The following DSCAM variants were observed in gnomAD, a reference collection of about 807,000 sequenced individuals.
DSCAM encodes the protein cell adhesion molecule DSCAM.
Under a neutral mutation model 217.7 loss-of-function variants are expected in DSCAM, and 47 were observed. That is an observed-to-expected ratio of 0.22 (90% CI 0.17 to 0.28). The LOEUF is 0.28. DSCAM is among the 10% of genes least tolerant of loss of function. The pLI, the probability that DSCAM is intolerant of heterozygous loss-of-function variation, is 1.00. For synonymous variants in DSCAM, 1,056 were observed against 1,015.3 expected, an observed-to-expected ratio of 1.04 and a Z score of -0.76; for missense variants, 2,080 against 2,618.3, an observed-to-expected ratio of 0.79 and a Z score of 4.49.
At chr21:40,334,292 C>G (rs1334167423) in intron 8 of DSCAM, among the ~76,000 whole-genome samples, 4 of 152,136 alleles carry the variant, frequency 2.6e-5, no homozygotes, top group African/African-American at 7.2e-5. Flanking sequence ...ATTTCAACCT[C>G]AACACATCGA....
intron 3 of DSCAM, among the ~76,000 whole-genome samples, chr21:40,657,315 A>G (rs1188516424): frequency 6.6e-6 from 1 of 152,210 alleles, no homozygotes; most frequent in East Asian, 1.9e-4. Flanking sequence ...TTGAGCTGAC[A>G]CAAGGAATAT....
chr21:40,088,237 A>G (rs115700558), intron 21 of DSCAM, among the ~76,000 whole-genome samples: 356 of 152,264 alleles, frequency 2.3e-3, no homozygotes, highest in African/African-American at 8.2e-3. Flanking sequence ...CAGACCGGAA[A>G]CCATAGGTGG....
At chr21:40,178,041 C>T (rs1404810864) in intron 15 of DSCAM, among the ~76,000 whole-genome samples, 2 of 151,948 alleles carry the variant, frequency 1.3e-5, no homozygotes, top group African/African-American at 4.8e-5. Context: ...AGCTGGACAC[C>T]CTTTCCCTAC....
chr21:40,591,778 G>C (rs556456901), intron 3 of DSCAM, among the ~76,000 whole-genome samples: 1 of 152,124 alleles, frequency 6.6e-6, no homozygotes, highest in African/African-American at 2.4e-5. Context: ...CCAAGTATAC[G>C]TTGGCAATAC....
chr21:40,272,421 T>A (rs889844220), intron 11 of DSCAM, among the ~76,000 whole-genome samples: 1 of 152,224 alleles, frequency 6.6e-6, no homozygotes, highest in African/African-American at 2.4e-5. Flanking sequence ...ATTCCATACA[T>A]GCTTGCTGGC....
At chr21:40,025,521 A>T (rs1389383740) in intron 32 of DSCAM, among the ~76,000 whole-genome samples, 3 of 149,820 alleles carry the variant, frequency 2.0e-5, no homozygotes, top group Non-Finnish European at 4.4e-5. Flanking sequence ...TTGGTTGGTA[A>T]GCTATTGATT....
At chr21:40,111,279 G>T (rs2089896059) in intron 20 of DSCAM, among the ~76,000 whole-genome samples, 2 of 152,152 alleles carry the variant, frequency 1.3e-5, no homozygotes, top group African/African-American at 2.4e-5. Flanking sequence ...TTAAAGAAAA[G>T]AATTTTCAAC....
chr21:40,309,928 G>C (rs2074119579), intron 9 of DSCAM, among the ~76,000 whole-genome samples: 2 of 152,130 alleles, frequency 1.3e-5, no homozygotes, highest in African/African-American at 4.8e-5. Flanking sequence ...ATAGTGCTGT[G>C]GTGGTTAAAG....
intron 1 of DSCAM, among the ~76,000 whole-genome samples, chr21:40,760,592 T>C (rs2091322985): frequency 6.6e-6 from 1 of 152,210 alleles, no homozygotes; most frequent in African/African-American, 2.4e-5. Context: ...CAGCAGTCAC[T>C]GCTTTGCCAG....
chr21:40,520,609 C>T (rs1024548745), intron 3 of DSCAM, among the ~76,000 whole-genome samples: 1 of 151,912 alleles, frequency 6.6e-6, no homozygotes, highest in African/African-American at 2.4e-5. Flanking sequence ...GAGTTCGAGA[C>T]CAGCCTGGCC....
intron 1 of DSCAM, among the ~76,000 whole-genome samples, chr21:40,839,231 G>A (rs1180614749): frequency 6.6e-6 from 1 of 152,132 alleles, no homozygotes; most frequent in African/African-American, 2.4e-5. Flanking sequence ...GACAAATAAG[G>A]ACTTCATATA....
intron 1 of DSCAM, among the ~76,000 whole-genome samples, chr21:40,782,498 C>T (rs1203075279): frequency 3.9e-5 from 6 of 152,104 alleles, no homozygotes; most frequent in Non-Finnish European, 8.8e-5. Flanking sequence ...GAGGCCGAGG[C>T]GGGAGGATCG....
intron 20 of DSCAM, among the ~76,000 whole-genome samples, chr21:40,101,395 C>G (rs2089748567): frequency 6.6e-6 from 1 of 152,122 alleles, no homozygotes; most frequent in South Asian, 2.1e-4. Flanking sequence ...AAGAACAGGG[C>G]TCTCTCTGGC....
intron 1 of DSCAM, among the ~76,000 whole-genome samples, chr21:40,717,188 T>C (rs1414497379): frequency 6.6e-6 from 1 of 152,216 alleles, no homozygotes; most frequent in Non-Finnish European, 1.5e-5. Context: ...GCACCTACCA[T>C]GTATCTGGCA....
At chr21:40,085,480 T>A (rs952193973) in intron 23 of DSCAM, 122 bp downstream of exon 23, 1 of 883,884 alleles carries the variant, frequency 1.1e-6, no homozygotes, top group African/African-American at 1.7e-5. Flanking sequence ...TCTTTTTCTG[T>A]AATATGGAAA....
chr21:40,705,583 G>A (rs2090705436), intron 2 of DSCAM, among the ~76,000 whole-genome samples: 1 of 152,170 alleles, frequency 6.6e-6, no homozygotes, highest in Non-Finnish European at 1.5e-5. Flanking sequence ...GGTGGCAGGA[G>A]AGAGAATGAA....
chr21:40,286,203 C>T (rs2073821742), intron 10 of DSCAM, among the ~76,000 whole-genome samples: 1 of 152,096 alleles, frequency 6.6e-6, no homozygotes, highest in South Asian at 2.1e-4. Flanking sequence ...AGGATTGGAG[C>T]CACTGGTCCC....
intron 18 of DSCAM, among the ~76,000 whole-genome samples, chr21:40,134,487 G>T (rs1232287332): frequency 1.3e-5 from 2 of 152,144 alleles, no homozygotes; most frequent in Non-Finnish European, 2.9e-5. Context: ...TAACATACAT[G>T]TATTTTTAAG....
chr21:40,787,657 T>C (rs1461402402), intron 1 of DSCAM, among the ~76,000 whole-genome samples: 1 of 152,188 alleles, frequency 6.6e-6, no homozygotes, highest in Admixed American at 6.6e-5. Context: ...ACCAGGCCCT[T>C]CACTTTTACA....
Sources: gnomAD v4.1 joint callset for allele counts (sites outside exome capture counted in the v4.1 genomes callset) on GRCh38, gnomAD v4.1.1 for gene constraint, MANE v1.5 for transcripts, NCBI Gene and HGNC (gene_info 2026-07-23, HGNC 2026-07-21) for gene names.